The following STK11 variants were observed in gnomAD, a reference collection of about 807,000 sequenced individuals.
STK11 encodes the protein serine/threonine kinase 11, also known as serine/threonine-protein kinase STK11.
STK11 carries 8 observed loss-of-function variants against 47.3 expected under a neutral mutation model. That is an observed-to-expected ratio of 0.17 (90% CI 0.10 to 0.31). The LOEUF is 0.31. STK11 is among the 10% of genes least tolerant of loss of function. The pLI is 1.00. For synonymous variants in STK11, 330 were observed against 255.8 expected (o/e 1.29, Z -2.77); for missense variants, 475 against 605.0 (o/e 0.79, Z 2.25).
chr19:1,208,911 G>T (rs950339869), intron 1 of STK11, among the ~76,000 whole-genome samples: 1 of 151,616 alleles, frequency 6.6e-6, no homozygotes, highest in African/African-American at 2.4e-5. Context: ...GTGAGCCACC[G>T]CGCCCGGCCA....
In STK11 at chr19:1,220,597, C is replaced by T. The variant is rs587782468; in HGVS notation, c.614C>T (p.Ala205Val). 2.6e-5 allele frequency: 41 copies of T among 1,590,130 alleles called. No homozygotes were observed. Among genetic ancestry groups the T allele is most frequent in the African/African-American group, 4.0e-5 (3 of 74,418 alleles). Residue 205 changes from alanine (A) to valine (V), a missense_variant, in exon 5 of 10, where the codon GCG becomes GTG. Physicochemically the swap from Ala to Val is moderately conservative, Grantham distance 64 (BLOSUM62 0). Coordinates refer to ENST00000326873, the MANE Select transcript of STK11 (RefSeq NM_000455.5). ...LGVAEALHPF[A>V]ADDTCRTSQG... ...CCGCCACAGGCACTGCACCCGTTCG[C>T]GGCGGACGACACCTGCCGGACCAGC... is the stretch of plus-strand genomic sequence containing the variant.
intron 5 of STK11, 75 bp from the exon 6 acceptor site, chr19:1,221,138 G>C (rs2145426407): frequency 3.8e-6 from 6 of 1,588,362 alleles, no homozygotes; most frequent in Non-Finnish European, 5.2e-6. Flanking sequence ...CTCTGTCCCT[G>C]GGGTAGAGCT....
At chr19:1,213,943 AG>A (rs1221896099) in intron 1 of STK11, among the ~76,000 whole-genome samples, 3 of 152,190 alleles carry the variant, frequency 2.0e-5, no homozygotes, top group African/African-American at 7.2e-5. Context: ...GGAGGCTCCT[AG>A]CCCCACCTCT....
At chr19:1,225,454 G>A in intron 8 of STK11, 1 of 820,408 alleles carries the variant, frequency 1.2e-6, no homozygotes, top group Non-Finnish European at 1.5e-6. Context: ...ATGTTTAGTA[G>A]AGACGGGGGT....
chr19:1,214,893 T>C (rs1166638166), intron 1 of STK11, among the ~76,000 whole-genome samples: 13 of 152,218 alleles, frequency 8.5e-5, no homozygotes, highest in Admixed American at 8.5e-4. Context: ...CGCCTCCTGG[T>C]GGAGCATCAG....
rs1064795971 is a variant in STK11 at position 1,221,195 on chromosome 19, C to T, written c.735-18C>T. The T allele has an allele frequency of 6.2e-7, 1 of 1,611,006 alleles. No homozygotes were observed. The highest frequency in any genetic ancestry group is 1.1e-5 in the South Asian group (1 of 91,050). On this transcript the variant is annotated intron_variant, in intron 5 of 9. Coordinates refer to ENST00000326873, the MANE Select transcript of STK11 (RefSeq NM_000455.5). ...ACCTTGACTGACCACGCCTTTCTTCCCTCCCCTCGAAATGAAGCTACAACA... is the reference window on the plus strand; with the variant it reads ...ACCTTGACTGACCACGCCTTTCTTCTCTCCCCTCGAAATGAAGCTACAACA...
At chr19:1,207,766 C>T (rs1001026620) in intron 1 of STK11, among the ~76,000 whole-genome samples, 2 of 152,242 alleles carry the variant, frequency 1.3e-5, no homozygotes. Context: ...AGGGATGTGA[C>T]GCTGGAAGCA....
chr19:1,222,874 T>C, intron 7 of STK11, 111 bp from the exon 8 acceptor site: 1 of 1,280,598 alleles, frequency 7.8e-7, no homozygotes, highest in Non-Finnish European at 1.1e-6. Flanking sequence ...CACGGCCTGG[T>C]CCCAGCTCCT....
intron 1 of STK11, among the ~76,000 whole-genome samples, chr19:1,210,032 C>T (rs1214923155): frequency 6.6e-6 from 1 of 152,162 alleles, no homozygotes; most frequent in South Asian, 2.1e-4. Context: ...TGCGGGGCCC[C>T]CTGGGATGAG....
At chr19:1,222,905 G>A in intron 7 of STK11, 80 bp from the exon 8 acceptor site, 3 of 1,442,000 alleles carry the variant, frequency 2.1e-6, no homozygotes, top group Non-Finnish European at 2.8e-6. Context: ...CAGGTACCCT[G>A]GGCCCAGAGG....
rs557466038 is a variant in STK11, at chr19:1,207,267, T to G, written c.290+64T>G. 106 of 1,520,852 alleles carry G rather than the reference T, an allele frequency of 7.0e-5. No homozygotes were observed. In the East Asian group the frequency reaches 2.2e-3, roughly 31 times the overall value. The allele number at this position is 1,520,852 out of a possible 1,614,324, so 94.2% of individuals were successfully genotyped here. A position where few individuals can be genotyped will look rare whatever the true frequency, so the allele number is the denominator to read the frequency against. On this transcript the variant is annotated intron_variant, in intron 1 of 9. Coordinates refer to ENST00000326873, the MANE Select transcript of STK11 (RefSeq NM_000455.5). ...AGTCACGGTGCTGATGGTTCTGTCT[T>G]CCTTCCTTCTCTCCTCCCTCCCTCC... is the stretch of plus-strand genomic sequence containing the variant.
rs1395678028 is a variant in STK11, at chr19:1,227,263, G to A, written c.*17-330G>A. ...CTTAAGTCACCTGCCGAGGATGCGG[G>A]GTGGATGGGGGCCCGAGGCTGAAGC... On this transcript the variant is annotated intron_variant, in intron 9 of 9. Transcript: ENST00000326873. The A allele has an allele frequency of 2.9e-5, 5 of 171,480 alleles. No homozygotes were observed. The East Asian group carries it at 3.2e-4, about 11-fold the overall frequency. The allele number at this position is 171,480 out of a possible 1,614,324, so 10.6% of individuals were successfully genotyped here.
chr19:1,211,440 C>T (rs773666564), intron 1 of STK11, among the ~76,000 whole-genome samples: 4 of 138,816 alleles, frequency 2.9e-5, no homozygotes, highest in African/African-American at 8.3e-5. Flanking sequence ...GCTGCTGCTG[C>T]GGAGCCCACA....
intron 3 of STK11, among the ~76,000 whole-genome samples, chr19:1,219,657 T>G (rs1176439585): frequency 1.3e-5 from 2 of 152,182 alleles, no homozygotes; most frequent in Non-Finnish European, 2.9e-5. Context: ...GCCATTCTTC[T>G]GCCTCAGCTT....
At chr19:1,227,537 G>A in intron 9 of STK11, 56 bp from the exon 10 acceptor site, 2 of 1,062,142 alleles carry the variant, frequency 1.9e-6, no homozygotes, top group Non-Finnish European at 2.3e-6. Flanking sequence ...GGGGCCCGCG[G>A]GAGGCGGAGA....
chr19:1,224,091 C>G, intron 8 of STK11: 1 of 995,386 alleles, frequency 1.0e-6, no homozygotes. Flanking sequence ...GGTCCCTCAG[C>G]ACTCCTGGGC....
chr19:1,219,278 C>T (rs1189438033), intron 2 of STK11, 46 bp from the exon 3 acceptor site: 21 of 1,551,380 alleles, frequency 1.4e-5, no homozygotes, highest in Non-Finnish European at 1.8e-5. Flanking sequence ...CTCCCTGGGC[C>T]TGTGAGTGGG....
Position 1,228,161 on chromosome 19 carries a change from T to G in STK11, c.*585T>G. The G allele has an allele frequency of 9.4e-7, 1 of 1,061,232 alleles. No individual in the cohort carries two copies. Among genetic ancestry groups the G allele is most frequent in the Non-Finnish European group, 1.1e-6 (1 of 875,652 alleles). The allele number at this position is 1,061,232 out of a possible 1,614,324, so 65.7% of individuals were successfully genotyped here. On this transcript the variant is annotated 3_prime_UTR_variant, in exon 10 of 10. Transcript: ENST00000326873. ...GGGGGGCTGTGGGGTCGGGCTCACGTCGCGGCCGCCTTTGCGCTCTCGGGT... is the reference window on the plus strand; with the variant it reads ...GGGGGGCTGTGGGGTCGGGCTCACGGCGCGGCCGCCTTTGCGCTCTCGGGT...
chr19:1,223,186 G>T lies in STK11; in HGVS notation c.1108+14G>T. The T allele has an allele frequency of 6.2e-7, 1 of 1,605,284 alleles. No homozygotes were observed. On this transcript the variant is annotated intron_variant, in intron 8 of 9. Transcript: ENST00000326873. ...TCACGGTGCCCGGTGAGTCTGGCGG[G>T]GGCCCCTGCCCGGCTCTGCTGACTC...
Sources: allele counts gnomAD v4.1 joint callset (sites outside exome capture counted in the v4.1 genomes callset), GRCh38; gene constraint gnomAD v4.1.1; transcripts MANE v1.5; gene names NCBI Gene and HGNC (gene_info 2026-07-23, HGNC 2026-07-21).